The following CNTN4 variants were observed in gnomAD, a reference collection of about 807,000 sequenced individuals.
The protein encoded by CNTN4 is contactin 4.
CNTN4 carries 77 observed loss-of-function variants against 122.5 expected under a neutral mutation model. That is an observed-to-expected ratio of 0.63 (90% confidence interval 0.52 to 0.76). The LOEUF (loss-of-function observed/expected upper bound fraction) is 0.76. CNTN4 is among the 30% of genes least tolerant of loss of function. The pLI is 0.00. For synonymous variants in CNTN4, 512 were observed against 447.0 expected, an observed-to-expected ratio of 1.15 and a Z score of -1.83; for missense variants, 1,256 against 1,259.1, an observed-to-expected ratio of 1.00 and a Z score of 0.04.
intron 7 of CNTN4, among the ~76,000 whole-genome samples, chr3:2,834,711 G>A (rs1009462860): frequency 1.3e-5 from 2 of 151,826 alleles, no homozygotes; most frequent in Non-Finnish European, 2.9e-5. Context: ...ATAAAGAAAT[G>A]CAACTTATTT....
Position 3,005,887 on chromosome 3 carries a change from A to ATTTT in CNTN4, c.1486+17428_1486+17431dup, listed in dbSNP as rs10630939. Among the ~76,000 whole-genome samples the ATTTT allele has an allele frequency of 1.2e-4, 17 of 145,326 alleles. 2 individuals are homozygous for ATTTT. The highest frequency in any genetic ancestry group is 2.0e-4 in the East Asian group (1 of 4,942). On this transcript the variant is annotated intron_variant, in intron 14 of 24. Coordinates refer to ENST00000418658, the MANE Select transcript of CNTN4 (RefSeq NM_175607.3). Reference sequence around the variant, plus strand: ...ACTCTATCTCAGCACACTGTGTAGAATTTTTTTTTTTTTTTTGAGACGGAT... The same window carrying ATTTT: ...ACTCTATCTCAGCACACTGTGTAGAATTTTTTTTTTTTTTTTTTTTGAGACGGAT...
chr3:2,505,781 C>T (rs1418980801), intron 3 of CNTN4, among the ~76,000 whole-genome samples: 1 of 152,102 alleles, frequency 6.6e-6, no homozygotes, highest in African/African-American at 2.4e-5. Context: ...CAGAGGTTTC[C>T]CTGAAAAGAG....
At chr3:2,163,791 C>T (rs865924901) in intron 2 of CNTN4, among the ~76,000 whole-genome samples, 10 of 151,992 alleles carry the variant, frequency 6.6e-5, no homozygotes, top group African/African-American at 1.9e-4. Context: ...AAAACCATAA[C>T]GAGATATAAT....
Position 3,043,103 on chromosome 3 carries a change from T to C in CNTN4, c.2638T>C (p.Tyr880His). ...SVLYHLAVKAYNSAGTGPSSA... is the reference protein window; with the variant it reads ...SVLYHLAVKAHNSAGTGPSSA... ...GCTGTATCACTTAGCTGTCAAGGCA[T>C]ATAATTCTGCTGGGACAGGCCCCTC... Residue 880 changes from tyrosine to histidine, a missense_variant, in exon 22 of 25, where the codon TAT becomes CAT. Transcript: ENST00000418658. The C allele has an allele frequency of 6.2e-7, 1 of 1,614,226 alleles. No individual in the cohort carries two copies. The highest frequency in any genetic ancestry group is 8.5e-7 in the Non-Finnish European group (1 of 1,180,036).
Position 2,835,417 on chromosome 3 carries a change from T to C in CNTN4, c.454+15836T>C, listed in dbSNP as rs557907741. 5.9e-5 allele frequency among the ~76,000 whole-genome samples: 9 copies of C among 152,280 alleles called. No individual in the cohort carries two copies. In the South Asian group the frequency reaches 1.9e-3, roughly 32 times the overall value. On this transcript the variant is annotated intron_variant, in intron 7 of 24. Transcript: ENST00000418658. ...AAGAATTTGAATAATGTAATAATGA[T>C]TGGCCTTTCTTAATGTAAACATACA...
intron 3 of CNTN4, among the ~76,000 whole-genome samples, chr3:2,456,880 A>G (rs1415337902): frequency 6.6e-6 from 1 of 152,096 alleles, no homozygotes; most frequent in Admixed American, 6.6e-5. Flanking sequence ...TTTGGGAGCT[A>G]CATCTGTTTT....
chr3:2,466,395 A>T (rs567621028), intron 3 of CNTN4, among the ~76,000 whole-genome samples: 1 of 152,200 alleles, frequency 6.6e-6, no homozygotes, highest in Non-Finnish European at 1.5e-5. Context: ...TTTCACCAAC[A>T]TCTACAGGAG....
chr3:2,969,516 G>GATTATTATTATTATGATT (rs1553710713), intron 13 of CNTN4, among the ~76,000 whole-genome samples: 22 of 121,464 alleles, frequency 1.8e-4, no homozygotes, highest in African/African-American at 1.0e-3. Flanking sequence ...GGAAAATTGG[G>GATTATTATTATTATGATT]ATTATTATTA....
intron 3 of CNTN4, among the ~76,000 whole-genome samples, chr3:2,365,108 T>A (rs1051042813): frequency 6.6e-6 from 1 of 152,300 alleles, no homozygotes; most frequent in Middle Eastern, 3.4e-3. Flanking sequence ...ATTTTTTTTT[T>A]ATGATGACAG....
chr3:2,481,450 T>C (rs1181111145), intron 3 of CNTN4, among the ~76,000 whole-genome samples: 1 of 152,094 alleles, frequency 6.6e-6, no homozygotes, highest in Non-Finnish European at 1.5e-5. Context: ...CAAGATAGTC[T>C]TTTCAATAAA....
At chr3:2,679,194 T>C (rs930849354) in intron 4 of CNTN4, among the ~76,000 whole-genome samples, 2 of 152,236 alleles carry the variant, frequency 1.3e-5, no homozygotes, top group Non-Finnish European at 2.9e-5. Flanking sequence ...TTACAAAGTT[T>C]ATGTGTCATT....
chr3:2,679,714 A>G (rs1400208), intron 4 of CNTN4, among the ~76,000 whole-genome samples: 32,770 of 152,010 alleles, frequency 0.22, 4,810 homozygotes, highest in African/African-American at 0.41. Flanking sequence ...CTTCTACCCA[A>G]TCTTTCCCCT....
At chr3:2,851,372 A>G (rs900157492) in intron 7 of CNTN4, among the ~76,000 whole-genome samples, 4 of 152,212 alleles carry the variant, frequency 2.6e-5, no homozygotes, top group African/African-American at 9.7e-5. Context: ...ATTTATGCAG[A>G]AGCAGTGGCC....
At chr3:3,009,523 C>T (rs9872759) in intron 14 of CNTN4, among the ~76,000 whole-genome samples, 92,119 of 149,708 alleles carry the variant, frequency 0.62, 28,788 homozygotes, top group Middle Eastern at 0.71. Context: ...AAGCTCCGCC[C>T]CCCGGGTTCC....
chr3:2,799,992 G>A (rs886456478), intron 6 of CNTN4, among the ~76,000 whole-genome samples: 1 of 151,266 alleles, frequency 6.6e-6, no homozygotes, highest in Non-Finnish European at 1.5e-5. Context: ...CTTGATCTAT[G>A]TGTCTATTTT....
intron 23 of CNTN4, among the ~76,000 whole-genome samples, chr3:3,045,052 C>T (rs1350680440): frequency 1.3e-5 from 2 of 152,226 alleles, no homozygotes; most frequent in Admixed American, 1.3e-4. Context: ...GCACAGCAGT[C>T]TGAGATCGAA....
chr3:2,327,537 T>G (rs2043514202), intron 2 of CNTN4, among the ~76,000 whole-genome samples: 1 of 152,202 alleles, frequency 6.6e-6, no homozygotes. Context: ...AGGTCATGCC[T>G]TATATTTTAT....
chr3:2,332,263 T>G (rs2043761316), intron 2 of CNTN4, among the ~76,000 whole-genome samples: 1 of 152,188 alleles, frequency 6.6e-6, no homozygotes. Flanking sequence ...CTTTTACAAA[T>G]AAAATCAAAT....
intron 2 of CNTN4, among the ~76,000 whole-genome samples, chr3:2,255,019 G>A (rs1320054093): frequency 2.0e-5 from 3 of 152,124 alleles, no homozygotes; most frequent in African/African-American, 7.2e-5. Flanking sequence ...ATAGTTTTAG[G>A]TCTTAGGTTT....
Sources: gnomAD v4.1 joint callset for allele counts (sites outside exome capture counted in the v4.1 genomes callset) on GRCh38, gnomAD v4.1.1 for gene constraint, MANE v1.5 for transcripts, NCBI Gene and HGNC (gene_info 2026-07-23, HGNC 2026-07-21) for gene names.